The following XYLT1 variants were observed in gnomAD, a reference collection of about 807,000 sequenced individuals.
XYLT1 encodes xylosyltransferase 1.
Under a neutral mutation model 91.3 loss-of-function variants are expected in XYLT1, and 36 were observed. The observed-to-expected ratio is 0.39, with a 90% CI of 0.30 to 0.52. XYLT1 has a LOEUF of 0.52. XYLT1 is among the 20% of genes least tolerant of loss of function. The probability of loss-of-function intolerance (pLI) is 0.68; values close to 1 mark genes in which losing one functional copy is unlikely to be tolerated. For missense variants in XYLT1, 1,242 were observed against 1,284.5 expected (o/e 0.97, Z 0.51); for synonymous variants, 588 against 532.0 (o/e 1.11, Z -1.45).
chr16:17,121,752 C>T (rs530833001), intron 10 of XYLT1, among the ~76,000 whole-genome samples: 1 of 152,240 alleles, frequency 6.6e-6, no homozygotes, highest in East Asian at 1.9e-4. Flanking sequence ...CTATATCCCC[C>T]AACCCTTGCC....
intron 5 of XYLT1, chr16:17,194,155 A>C (rs1216960474): frequency 6.6e-6 from 1 of 152,234 alleles, no homozygotes; most frequent in Non-Finnish European, 1.5e-5. Flanking sequence ...GCTGACATTC[A>C]TGGAGCACCT....
At chr16:17,389,133 T>G (rs1302593234) in intron 1 of XYLT1, among the ~76,000 whole-genome samples, 1 of 152,254 alleles carries the variant, frequency 6.6e-6, no homozygotes, top group East Asian at 1.9e-4. Context: ...ACCTTTGTTC[T>G]TTTGCAGGAG....
chr16:17,269,774 C>A (rs2033858554), intron 2 of XYLT1, among the ~76,000 whole-genome samples: 1 of 139,274 alleles, frequency 7.2e-6, no homozygotes, highest in South Asian at 2.3e-4. Context: ...CCCTCCCTCC[C>A]ACCTCTCTCC....
chr16:17,189,341 T>A (rs1162270450), intron 5 of XYLT1, among the ~76,000 whole-genome samples: 2 of 152,110 alleles, frequency 1.3e-5, no homozygotes, highest in African/African-American at 4.8e-5. Context: ...GAAGATCCGG[T>A]GTGAATGGGA....
intron 2 of XYLT1, among the ~76,000 whole-genome samples, chr16:17,330,795 GAAAAAAAAAAAAGAAAAGA>G (rs1161301855): frequency 7.0e-6 from 1 of 142,236 alleles, no homozygotes. Context: ...CTCCCTCTCG[GAAAAAAAAAAAAGAAAAGA>G]AAAGAAAATG....
At chr16:17,195,333 G>T (rs547860649) in intron 5 of XYLT1, among the ~76,000 whole-genome samples, 2 of 152,104 alleles carry the variant, frequency 1.3e-5, no homozygotes, top group South Asian at 4.2e-4. Flanking sequence ...ATCCCTTCTT[G>T]TCTTCTAGGT....
At chr16:17,436,865 C>T (rs181482825) in intron 1 of XYLT1, among the ~76,000 whole-genome samples, 3 of 152,252 alleles carry the variant, frequency 2.0e-5, no homozygotes, top group African/African-American at 4.8e-5. Flanking sequence ...CTTACACAGG[C>T]GTGAGAGAAG....
intron 5 of XYLT1, among the ~76,000 whole-genome samples, chr16:17,175,265 A>G (rs2031916149): frequency 6.6e-6 from 1 of 152,174 alleles, no homozygotes; most frequent in South Asian, 2.1e-4. Flanking sequence ...CAGTAGCTCC[A>G]TTTTACAATG....
In XYLT1 at chr16:17,470,695, A is replaced by G. The variant is rs1231949138; in HGVS notation, c.102T>C (p.Asn34=). ...VLLLQTLVVW[N]FSSLDSGAGE... ...CGGCCCCGGAGTCGAGGCTGCTGAA[A>G]TTCCACACGACCAGCGTCTGCAGCA... Residue 34 remains asparagine, a synonymous_variant, in exon 1 of 12, where the codon AAT becomes AAC. Transcript: ENST00000261381. The G allele has an allele frequency of 8.6e-7, 1 of 1,164,792 alleles. No homozygotes were observed. The highest frequency in any genetic ancestry group is 1.1e-6 in the Non-Finnish European group (1 of 925,910). 72.2% of individuals were successfully genotyped at this position (1,164,792 alleles called of 1,614,324 possible).
chr16:17,444,163 C>T (rs1340037587), intron 1 of XYLT1, among the ~76,000 whole-genome samples: 1 of 152,220 alleles, frequency 6.6e-6, no homozygotes, highest in East Asian at 1.9e-4. Flanking sequence ...AATATCACCT[C>T]CTCAAGGAGG....
chr16:17,127,889 G>A (rs755117001), intron 9 of XYLT1, 28 bp from the exon 10 acceptor site: 24 of 1,603,908 alleles, frequency 1.5e-5, no homozygotes, highest in Non-Finnish European at 1.8e-5. Context: ...CATGCATTAG[G>A]GCCCAAGGTG....
intron 2 of XYLT1, among the ~76,000 whole-genome samples, chr16:17,328,942 G>A (rs1234448171): frequency 2.6e-5 from 4 of 152,218 alleles, no homozygotes; most frequent in African/African-American, 9.7e-5. Context: ...GGAGGTATGC[G>A]TGTGTGCATG....
intron 1 of XYLT1, among the ~76,000 whole-genome samples, chr16:17,402,269 G>A (rs187318326): frequency 1.7e-4 from 26 of 151,884 alleles, no homozygotes; most frequent in Admixed American, 1.4e-3. Context: ...GCAGTGAGCC[G>A]TCATTGCCCC....
At chr16:17,386,652 C>T (rs1465339664) in intron 1 of XYLT1, among the ~76,000 whole-genome samples, 1 of 152,136 alleles carries the variant, frequency 6.6e-6, no homozygotes, top group Non-Finnish European at 1.5e-5. Flanking sequence ...CGTTGCATGT[C>T]AATTGCATCC....
At chr16:17,225,548 C>T (rs1442004268) in intron 3 of XYLT1, among the ~76,000 whole-genome samples, 2 of 151,964 alleles carry the variant, frequency 1.3e-5, no homozygotes, top group Non-Finnish European at 2.9e-5. Flanking sequence ...AAACTTGCCA[C>T]CTGCGAGCTG....
At chr16:17,315,924 A>G (rs1215615808) in intron 2 of XYLT1, among the ~76,000 whole-genome samples, 2 of 152,166 alleles carry the variant, frequency 1.3e-5, no homozygotes, top group Admixed American at 6.5e-5. Flanking sequence ...CGCTTTGACA[A>G]AGGGCCAACG....
chr16:17,289,263 T>C (rs2034187513), intron 2 of XYLT1, among the ~76,000 whole-genome samples: 1 of 152,252 alleles, frequency 6.6e-6, no homozygotes, highest in African/African-American at 2.4e-5. Context: ...AGGGCCAGAT[T>C]TGGCCTGTGA....
At chr16:17,349,005 C>T (rs2035183702) in intron 2 of XYLT1, among the ~76,000 whole-genome samples, 1 of 152,238 alleles carries the variant, frequency 6.6e-6, no homozygotes, top group Non-Finnish European at 1.5e-5. Context: ...AGTGGCAGCA[C>T]CACGGGCTTC....
At chr16:17,272,224 C>T (rs1328042336) in intron 2 of XYLT1, among the ~76,000 whole-genome samples, 1 of 138,230 alleles carries the variant, frequency 7.2e-6, no homozygotes, top group East Asian at 2.1e-4. Flanking sequence ...TGCAGTGGCA[C>T]GATCTTGGCT....
Sources: gnomAD v4.1 joint callset for allele counts (sites outside exome capture counted in the v4.1 genomes callset) on GRCh38, gnomAD v4.1.1 for gene constraint, MANE v1.5 for transcripts, NCBI Gene and HGNC (gene_info 2026-07-23, HGNC 2026-07-21) for gene names.